The following IGF1 variants were observed in gnomAD, a reference collection of about 807,000 sequenced individuals.
IGF1 encodes the protein insulin like growth factor 1.
Under a neutral mutation model 13.8 loss-of-function variants are expected in IGF1, and 4 were observed. The ratio of observed to expected loss-of-function variants is 0.29; its 90% CI spans 0.14 to 0.66. The LOEUF is 0.66. Ranked by LOEUF, IGF1 falls within the 30% of genes least tolerant of loss-of-function variation. The pLI is 0.78. For synonymous variants in IGF1, 76 were observed against 72.6 expected (o/e 1.05, Z -0.23); for missense variants, 124 against 188.5 (o/e 0.66, Z 2.00).
chr12:102,395,938 T>G lies in IGF1; in HGVS notation c.*6569A>C, dbSNP rs1198373279. The G allele has an allele frequency of 6.6e-6, 1 of 152,222 alleles. No individual in the cohort carries two copies. Among genetic ancestry groups the G allele is most frequent in the Non-Finnish European group, 1.5e-5 (1 of 68,030 alleles). 9.4% of individuals were successfully genotyped at this position (152,222 alleles called of 1,614,324 possible). On this transcript the variant is annotated 3_prime_UTR_variant, in exon 4 of 4. Coordinates refer to ENST00000337514, the MANE Select transcript of IGF1 (RefSeq NM_000618.5). The stretch of plus-strand genomic sequence containing the variant: ...AAGATATACCATTTTATTATGACAC[T>G]CTAGCCATACATTTTCAAAATATGC...
At chr12:102,475,570 TC>T in intron 2 of IGF1, 72 bp downstream of exon 2, 1 of 1,542,692 alleles carries the variant, frequency 6.5e-7, no homozygotes, top group Non-Finnish European at 9.0e-7. Context: ...ATTCACACAC[TC>T]CCTGCGGTTG....
At chr12:102,440,258 C>T (rs1364606156) in intron 2 of IGF1, among the ~76,000 whole-genome samples, 1 of 152,216 alleles carries the variant, frequency 6.6e-6, no homozygotes, top group East Asian at 1.9e-4. Context: ...TGCTTCCCTT[C>T]TCCAGCCCCC....
At chr12:102,445,601 T>A (rs1431689901) in intron 2 of IGF1, among the ~76,000 whole-genome samples, 1 of 152,270 alleles carries the variant, frequency 6.6e-6, no homozygotes, top group East Asian at 1.9e-4. Flanking sequence ...CCTGAGACTT[T>A]GCTGAAGTTG....
At chr12:102,406,212 A>T (rs1248891492) in intron 3 of IGF1, among the ~76,000 whole-genome samples, 1 of 152,234 alleles carries the variant, frequency 6.6e-6, no homozygotes, top group Non-Finnish European at 1.5e-5. Flanking sequence ...GACAAAACAA[A>T]AGCACTCAGG....
chr12:102,416,634 A>G (rs1418253612), intron 3 of IGF1, among the ~76,000 whole-genome samples: 1 of 152,134 alleles, frequency 6.6e-6, no homozygotes, highest in Admixed American at 6.5e-5. Context: ...TCCAGATCTA[A>G]CATAGTATGT....
At chr12:102,406,499 T>A (rs919750033) in intron 3 of IGF1, among the ~76,000 whole-genome samples, 1 of 152,138 alleles carries the variant, frequency 6.6e-6, no homozygotes, top group African/African-American at 2.4e-5. Context: ...CAGTAGTGAG[T>A]AAATACTGTT....
intron 2 of IGF1, among the ~76,000 whole-genome samples, chr12:102,422,238 A>G (rs1369745588): frequency 6.6e-6 from 1 of 152,166 alleles, no homozygotes. Context: ...GTTTTTTTAA[A>G]AAATATTGTT....
intron 2 of IGF1, among the ~76,000 whole-genome samples, chr12:102,467,537 C>A (rs1004616804): frequency 6.6e-6 from 1 of 152,168 alleles, no homozygotes; most frequent in East Asian, 1.9e-4. Context: ...CAAATTATGA[C>A]CTTAAGTGGA....
chr12:102,455,577 C>T (rs961293817), intron 2 of IGF1, among the ~76,000 whole-genome samples: 2 of 152,150 alleles, frequency 1.3e-5, no homozygotes, highest in Admixed American at 6.5e-5. Flanking sequence ...ACACAGAGGT[C>T]TCCACTCATT....
intron 2 of IGF1, among the ~76,000 whole-genome samples, chr12:102,426,138 A>G (rs1456548538): frequency 2.0e-5 from 3 of 152,236 alleles, no homozygotes; most frequent in Admixed American, 6.5e-5. Flanking sequence ...TGTCATACCA[A>G]TGACAGAAGC....
At chr12:102,431,490 A>G (rs973095536) in intron 2 of IGF1, among the ~76,000 whole-genome samples, 1 of 152,194 alleles carries the variant, frequency 6.6e-6, no homozygotes, top group Non-Finnish European at 1.5e-5. Context: ...TTATTTACAC[A>G]TGTGCAGTAT....
chr12:102,468,601 T>C (rs1592828950), intron 2 of IGF1, among the ~76,000 whole-genome samples: 1 of 152,326 alleles, frequency 6.6e-6, no homozygotes, highest in East Asian at 1.9e-4. Flanking sequence ...CATGTATAGA[T>C]AAAGACAAAC....
At chr12:102,417,593 A>C in intron 3 of IGF1, 7 of 1,207,932 alleles carry the variant, frequency 5.8e-6, no homozygotes, top group Non-Finnish European at 4.1e-6. Flanking sequence ...CATTTTTGCC[A>C]CTGTCTTTCT....
chr12:102,440,504 C>T (rs749473291), intron 2 of IGF1, among the ~76,000 whole-genome samples: 9 of 152,312 alleles, frequency 5.9e-5, no homozygotes, highest in Admixed American at 6.5e-5. Context: ...CCAGGTAGTG[C>T]GGCTGGTTCT....
chr12:102,472,912 A>G (rs1454590637), intron 2 of IGF1, among the ~76,000 whole-genome samples: 3 of 152,202 alleles, frequency 2.0e-5, no homozygotes, highest in Non-Finnish European at 4.4e-5. Flanking sequence ...GTTTTATTAA[A>G]TAACTAGATA....
At chr12:102,479,411 A>G (rs559066987) in intron 1 of IGF1, among the ~76,000 whole-genome samples, 1 of 152,344 alleles carries the variant, frequency 6.6e-6, no homozygotes, top group South Asian at 2.1e-4. Flanking sequence ...CAAATTGAAA[A>G]AAAAACACAA....
At chr12:102,427,160 A>G (rs1876277129) in intron 2 of IGF1, among the ~76,000 whole-genome samples, 1 of 152,200 alleles carries the variant, frequency 6.6e-6, no homozygotes, top group East Asian at 1.9e-4. Flanking sequence ...AAGAATAAGA[A>G]GGGATGTTGA....
At chr12:102,448,295 T>C (rs1878539445) in intron 2 of IGF1, among the ~76,000 whole-genome samples, 1 of 148,494 alleles carries the variant, frequency 6.7e-6, no homozygotes, top group Non-Finnish European at 1.5e-5. Flanking sequence ...AACCCAAATG[T>C]CCAACAATGA....
At chr12:102,417,599 T>C (rs1442190907) in intron 3 of IGF1, 1 of 1,260,210 alleles carries the variant, frequency 7.9e-7, no homozygotes. Context: ...TGCCACTGTC[T>C]TTCTTTGCGC....
Sources: gnomAD v4.1 joint callset for allele counts (sites outside exome capture counted in the v4.1 genomes callset) on GRCh38, gnomAD v4.1.1 for gene constraint, MANE v1.5 for transcripts, NCBI Gene and HGNC (gene_info 2026-07-23, HGNC 2026-07-21) for gene names.